Variants in RILPL1 observed in about 807,000 individuals in gnomAD.
RILPL1 encodes Rab interacting lysosomal protein like 1, also known as RILP-like protein 1.
RILPL1 carries 33 observed loss-of-function variants against 50.3 expected under a neutral mutation model. That is an observed-to-expected ratio of 0.66 (90% CI 0.50 to 0.88). The LOEUF is 0.88. RILPL1 is among the 40% of genes least tolerant of loss of function. RILPL1 has a pLI of 0.00. For missense variants in RILPL1, 418 were observed against 542.5 expected, an observed-to-expected ratio of 0.77 and a Z score of 2.28; for synonymous variants, 205 against 228.6, an observed-to-expected ratio of 0.90 and a Z score of 0.93.
chr12:123,515,337 G>A (rs922123241), intron 2 of RILPL1: 2 of 151,934 alleles, frequency 1.3e-5, no homozygotes, highest in Non-Finnish European at 1.5e-5. Flanking sequence ...AGAAAGGGAA[G>A]GTTTTCCCTC....
intron 1 of RILPL1, among the ~76,000 whole-genome samples, chr12:123,526,364 T>C (rs1407267816): frequency 6.6e-6 from 1 of 152,064 alleles, no homozygotes; most frequent in Non-Finnish European, 1.5e-5. Flanking sequence ...GTTCAAGGCA[T>C]GGACACTGGA....
chr12:123,477,330 T>C (rs1161890432), intron 6 of RILPL1, among the ~76,000 whole-genome samples: 1 of 138,882 alleles, frequency 7.2e-6, no homozygotes, highest in Non-Finnish European at 1.5e-5. Context: ...CTTTTCTTTC[T>C]TTCTTTCTTT....
chr12:123,484,880 G>A, intron 5 of RILPL1: 1 of 256,052 alleles, frequency 3.9e-6, no homozygotes, highest in South Asian at 4.4e-5. Context: ...GGCTGGTTTC[G>A]AGTCCTGGGT....
At chr12:123,525,250 T>C (rs1362670634) in intron 1 of RILPL1, among the ~76,000 whole-genome samples, 1 of 151,964 alleles carries the variant, frequency 6.6e-6, no homozygotes, top group Non-Finnish European at 1.5e-5. Flanking sequence ...CAGGGTCTTG[T>C]TCTGTCACCC....
intron 2 of RILPL1, chr12:123,519,367 C>G (rs1884895617): frequency 6.6e-6 from 1 of 152,244 alleles, no homozygotes; most frequent in Non-Finnish European, 1.5e-5. Context: ...CTCCAGCTGA[C>G]AAACTGGATT....
At chr12:123,523,709 G>C in intron 1 of RILPL1, 64 bp from the exon 2 acceptor site, 1 of 1,548,454 alleles carries the variant, frequency 6.5e-7, no homozygotes. Flanking sequence ...CACCCACTCC[G>C]ACCCTCAGGG....
chr12:123,496,996 C>G (rs1883072088), intron 4 of RILPL1, among the ~76,000 whole-genome samples: 1 of 152,218 alleles, frequency 6.6e-6, no homozygotes, highest in Non-Finnish European at 1.5e-5. Context: ...CTTTCTGGCT[C>G]TATGGATTTG....
rs978827930 is a variant in RILPL1 at position 123,489,319 on chromosome 12, C to T, written c.802-3514G>A. Among the ~76,000 whole-genome samples, 18 of 151,538 alleles carry T rather than the reference C, an allele frequency of 1.2e-4. No individual in the cohort carries two copies. The highest frequency in any genetic ancestry group is 3.6e-4 in the African/African-American group (15 of 41,218). ...GGCGGATCACCTGAAGTCAGGAGTT[C>T]GAGACCAGCCTGGACAACATGGTGA... On this transcript the variant is annotated intron_variant, in intron 4 of 6. Coordinates refer to ENST00000376874, the MANE Select transcript of RILPL1 (RefSeq NM_178314.5). The surrounding 1 kb of genome is among the most constrained non-coding windows in gnomAD (Gnocchi z 4.0).
intron 2 of RILPL1, among the ~76,000 whole-genome samples, chr12:123,517,751 C>T (rs543629114): frequency 1.3e-5 from 2 of 152,076 alleles, no homozygotes; most frequent in East Asian, 1.9e-4. Flanking sequence ...GTATCCAATT[C>T]GGTAGCCACC....
chr12:123,525,624 C>G (rs953518465), intron 1 of RILPL1, among the ~76,000 whole-genome samples: 1 of 143,178 alleles, frequency 7.0e-6, no homozygotes, highest in African/African-American at 2.6e-5. Flanking sequence ...CTGCTTGAAT[C>G]TCAGAGGTGG....
chr12:123,513,415 A>T (rs1884505983), intron 2 of RILPL1: 1 of 330,892 alleles, frequency 3.0e-6, no homozygotes, highest in South Asian at 2.1e-5. Flanking sequence ...GGAGGCGAGC[A>T]TGAGGAGAGA....
chr12:123,475,012 CTG>C (rs1266491414), intron 6 of RILPL1: 1 of 152,452 alleles, frequency 6.6e-6, no homozygotes, highest in Non-Finnish European at 1.5e-5. Flanking sequence ...TGCCTTTTCT[CTG>C]TGACAGGTAA....
At chr12:123,475,719 C>T (rs747189427) in intron 6 of RILPL1, 3 of 1,593,860 alleles carry the variant, frequency 1.9e-6, no homozygotes, top group Non-Finnish European at 1.7e-6. Flanking sequence ...ATCAGTCCCG[C>T]TGCTACCATA....
chr12:123,477,500 G>T (rs538793077), intron 6 of RILPL1, among the ~76,000 whole-genome samples: 1 of 151,942 alleles, frequency 6.6e-6, no homozygotes, highest in South Asian at 2.1e-4. Context: ...CACCCTGCTG[G>T]GCTAATTTTT....
In RILPL1 at chr12:123,527,058, C is replaced by T. The variant is rs568802690; in HGVS notation, c.310-3413G>A. On this transcript the variant is annotated intron_variant, in intron 1 of 6. Transcript: ENST00000376874. ...TAAGTTAAGGATCTTAGGCATGGCACGGTGGCTCATACCTATAATCCTTGT... is the reference window on the plus strand; with the variant it reads ...TAAGTTAAGGATCTTAGGCATGGCATGGTGGCTCATACCTATAATCCTTGT... Among the ~76,000 whole-genome samples the T allele has an allele frequency of 5.9e-5, 9 of 152,248 alleles. No individual in the cohort carries two copies. The South Asian group carries it at 8.3e-4, about 14-fold the overall frequency.
chr12:123,521,365 T>C (rs1243103249), intron 2 of RILPL1, among the ~76,000 whole-genome samples: 2 of 152,022 alleles, frequency 1.3e-5, no homozygotes, highest in Non-Finnish European at 2.9e-5. Context: ...CTCCAGAAAC[T>C]GCTTAGAATC....
chr12:123,488,905 C>A (rs1468578791), intron 4 of RILPL1, among the ~76,000 whole-genome samples: 2 of 152,184 alleles, frequency 1.3e-5, no homozygotes, highest in African/African-American at 4.8e-5. Context: ...TCTGCTGATG[C>A]CACAATTTAG....
At chr12:123,508,598 G>A (rs747346543) in intron 2 of RILPL1, among the ~76,000 whole-genome samples, 2 of 152,156 alleles carry the variant, frequency 1.3e-5, no homozygotes, top group Admixed American at 6.5e-5. Flanking sequence ...GGGATGAGAA[G>A]GTGCATTCTG....
intron 3 of RILPL1, 131 bp downstream of exon 3, chr12:123,499,287 A>T: frequency 1.5e-6 from 1 of 646,936 alleles, no homozygotes; most frequent in Non-Finnish European, 2.8e-6. Flanking sequence ...AGCCATGAGC[A>T]GGATCCACAC....
Sources: gnomAD v4.1 joint callset for allele counts (sites outside exome capture counted in the v4.1 genomes callset) on GRCh38, gnomAD v4.1.1 for gene constraint, Gnocchi (gnomAD v3.1) non-coding constraint, MANE v1.5 for transcripts, NCBI Gene and HGNC (gene_info 2026-07-23, HGNC 2026-07-21) for gene names.